The following ATP10A variants were observed in gnomAD, a reference collection of about 807,000 sequenced individuals.
The protein encoded by ATP10A is phospholipid-transporting ATPase VA.
Under a neutral mutation model 147.8 loss-of-function variants are expected in ATP10A, and 111 were observed. That is an observed-to-expected ratio of 0.75 (90% CI 0.64 to 0.88). The LOEUF is 0.88. ATP10A is among the 40% of genes least tolerant of loss of function. ATP10A has a pLI of 0.00. For missense variants in ATP10A, 1,927 were observed against 1,959.0 expected (o/e 0.98, Z 0.31); for synonymous variants, 875 against 841.6 (o/e 1.04, Z -0.69).
chr15:25,720,752 TGC>T (rs1220205221), intron 7 of ATP10A, among the ~76,000 whole-genome samples: 1 of 152,230 alleles, frequency 6.6e-6, no homozygotes, highest in Non-Finnish European at 1.5e-5. Flanking sequence ...TTACTATGAC[TGC>T]TTTCATTTTG....
intron 1 of ATP10A, among the ~76,000 whole-genome samples, chr15:25,805,717 C>A (rs1371732232): frequency 6.6e-6 from 1 of 152,010 alleles, no homozygotes; most frequent in East Asian, 1.9e-4. Flanking sequence ...TTTTTTCCCC[C>A]AAAATTAAGT....
At chr15:25,781,434 A>G (rs1294247756) in intron 1 of ATP10A, among the ~76,000 whole-genome samples, 2 of 152,118 alleles carry the variant, frequency 1.3e-5, no homozygotes, top group Non-Finnish European at 2.9e-5. Flanking sequence ...AGGCGGGCAG[A>G]TTATGAGGTC....
chr15:25,828,935 T>C (rs1301978025), intron 1 of ATP10A, among the ~76,000 whole-genome samples: 3 of 152,130 alleles, frequency 2.0e-5, no homozygotes, highest in African/African-American at 7.2e-5. Flanking sequence ...CTCAAAAAGG[T>C]AGGCATTTCT....
chr15:25,762,923 A>G (rs1888834292), intron 2 of ATP10A, among the ~76,000 whole-genome samples: 1 of 152,208 alleles, frequency 6.6e-6, no homozygotes. Context: ...TCAGACCTCA[A>G]TAAGGCTGTT....
intron 2 of ATP10A, among the ~76,000 whole-genome samples, chr15:25,759,364 A>G (rs1233207368): frequency 6.6e-6 from 1 of 152,210 alleles, no homozygotes; most frequent in Non-Finnish European, 1.5e-5. Flanking sequence ...TCATGAAAAT[A>G]ATTTTATGTG....
chr15:25,687,635 A>G, intron 16 of ATP10A, 68 bp downstream of exon 16: 5 of 1,010,238 alleles, frequency 4.9e-6, no homozygotes, highest in Non-Finnish European at 4.9e-6. Context: ...CCTTCGCCTC[A>G]TTCAGGCGAT....
At chr15:25,824,557 G>GGTT (rs1567411574) in intron 1 of ATP10A, among the ~76,000 whole-genome samples, 1 of 139,254 alleles carries the variant, frequency 7.2e-6, no homozygotes, top group African/African-American at 2.8e-5. Flanking sequence ...CTTTTTGTGT[G>GGTT]TGTTTTTTTT....
intron 7 of ATP10A, 47 bp from the exon 8 acceptor site, chr15:25,718,446 CG>C: frequency 1.3e-6 from 2 of 1,534,118 alleles, no homozygotes; most frequent in Non-Finnish European, 1.8e-6. Flanking sequence ...GAAGGCTGGG[CG>C]GAGCAGAAAG....
At chr15:25,774,356 C>T (rs1191771156) in intron 2 of ATP10A, among the ~76,000 whole-genome samples, 1 of 152,180 alleles carries the variant, frequency 6.6e-6, no homozygotes, top group African/African-American at 2.4e-5. Flanking sequence ...GAGTGGATCA[C>T]CTGAGGTCCA....
intron 14 of ATP10A, among the ~76,000 whole-genome samples, chr15:25,692,437 G>A (rs1900087929): frequency 6.6e-6 from 1 of 152,190 alleles, no homozygotes; most frequent in African/African-American, 2.4e-5. Flanking sequence ...CTCCGTGACG[G>A]TCACCATTCT....
intron 2 of ATP10A, among the ~76,000 whole-genome samples, chr15:25,743,660 T>C (rs1187417820): frequency 6.6e-6 from 1 of 152,170 alleles, no homozygotes; most frequent in African/African-American, 2.4e-5. Context: ...ATGTGGTTGC[T>C]TAAAACAACA....
At chr15:25,796,392 G>A (rs73366961) in intron 1 of ATP10A, among the ~76,000 whole-genome samples, 1,603 of 92,634 alleles carry the variant, frequency 0.017, 32 homozygotes, top group African/African-American at 0.058. Flanking sequence ...ACAAAAGAGC[G>A]AGACCCTGTC....
At chr15:25,777,429 G>A (rs932497730) in intron 2 of ATP10A, among the ~76,000 whole-genome samples, 2 of 151,976 alleles carry the variant, frequency 1.3e-5, no homozygotes, top group African/African-American at 4.8e-5. Flanking sequence ...GGTCCCCAAG[G>A]GAAGGCTTCT....
At chr15:25,826,664 GCA>G in intron 1 of ATP10A, among the ~76,000 whole-genome samples, 1 of 152,266 alleles carries the variant, frequency 6.6e-6, no homozygotes, top group Non-Finnish European at 1.5e-5. Flanking sequence ...ATGTGGTGGT[GCA>G]CACCTGTAAT....
intron 12 of ATP10A, among the ~76,000 whole-genome samples, chr15:25,702,783 C>T (rs1900746626): frequency 1.3e-5 from 2 of 149,142 alleles, no homozygotes; most frequent in Admixed American, 1.3e-4. Flanking sequence ...GATCTGTTTA[C>T]ATCTTGGTGA....
At chr15:25,699,659 A>G (rs1900552363) in intron 13 of ATP10A, among the ~76,000 whole-genome samples, 1 of 152,168 alleles carries the variant, frequency 6.6e-6, no homozygotes. Context: ...ACTTGAGTTC[A>G]GGATTTTGAC....
rs140559437 is a variant in ATP10A at position 25,695,117 on chromosome 15, G to A, written c.2790C>T (p.Cys930=). ...GGCCTCTGGACTGCACGTAGCATAG[G>A]CACTGGTCTAGCAGGGCTGCACACG... ...QEACAALLDQ[C]LCYVQSRGLQ... is the part of the protein sequence containing the mutation. The change falls in exon 14 of 21, where the codon TGC becomes TGT. Residue 930 remains cysteine, a synonymous_variant. Coordinates refer to ENST00000555815, the MANE Select transcript of ATP10A (RefSeq NM_024490.4). 52 of 1,613,782 alleles carry A rather than the reference G, an allele frequency of 3.2e-5. No individual in the cohort carries two copies. The African/African-American group carries it at 6.7e-4, about 21-fold the overall frequency.
intron 12 of ATP10A, 21 bp downstream of exon 12, chr15:25,707,955 T>C: frequency 6.2e-7 from 1 of 1,612,936 alleles, no homozygotes; most frequent in East Asian, 2.2e-5. Context: ...CCCTTAGGCA[T>C]GCGACTCTCA....
At chr15:25,854,230 C>G (rs1037366317) in intron 1 of ATP10A, among the ~76,000 whole-genome samples, 2 of 152,100 alleles carry the variant, frequency 1.3e-5, no homozygotes, top group African/African-American at 4.8e-5. Flanking sequence ...AAGGACAGGA[C>G]AGCCAGCTTG....
Sources: gnomAD v4.1 joint callset for allele counts (sites outside exome capture counted in the v4.1 genomes callset) on GRCh38, gnomAD v4.1.1 for gene constraint, MANE v1.5 for transcripts, NCBI Gene and HGNC (gene_info 2026-07-23, HGNC 2026-07-21) for gene names.